The following MCF2L2 variants were observed in gnomAD, a reference collection of about 807,000 sequenced individuals.
The protein encoded by MCF2L2 is MCF.2 cell line derived transforming sequence-like 2, also known as probable guanine nucleotide exchange factor MCF2L2.
A neutral mutation model predicts 150.2 loss-of-function variants in MCF2L2; 102 were observed. The ratio of observed to expected loss-of-function variants is 0.68; its 90% CI spans 0.58 to 0.80. The LOEUF (loss-of-function observed/expected upper bound fraction) is 0.80, where lower values mean the gene tolerates loss of function less well. Among genes scored for constraint, MCF2L2 ranks in the 30% least tolerant of loss-of-function variants. The pLI, the probability that MCF2L2 is intolerant of heterozygous loss-of-function variation, is 0.00. For missense variants in MCF2L2, 1,256 were observed against 1,372.8 expected, an observed-to-expected ratio of 0.91 and a Z score of 1.34; for synonymous variants, 465 against 491.3, an observed-to-expected ratio of 0.95 and a Z score of 0.71.
intron 13 of MCF2L2, among the ~76,000 whole-genome samples, chr3:183,291,744 C>A (rs1192617947): frequency 1.8e-4 from 27 of 152,220 alleles, no homozygotes; most frequent in Admixed American, 1.6e-3. Context: ...CAGGATTGTT[C>A]TGCAAAACGA....
At chr3:183,218,638 AAAT>A (rs969057088) in intron 21 of MCF2L2, among the ~76,000 whole-genome samples, 1 of 152,006 alleles carries the variant, frequency 6.6e-6, no homozygotes, top group Non-Finnish European at 1.5e-5. Flanking sequence ...TGTCTCAAAA[AAAT>A]AAAAAAATAA....
intron 5 of MCF2L2, among the ~76,000 whole-genome samples, chr3:183,333,960 C>T (rs1480545631): frequency 1.0e-5 from 1 of 100,126 alleles, no homozygotes; most frequent in Non-Finnish European, 1.8e-5. Context: ...TAAGGAAGTG[C>T]CAAAAAAAAA....
intron 27 of MCF2L2, among the ~76,000 whole-genome samples, chr3:183,186,400 C>T (rs1291065791): frequency 2.0e-5 from 3 of 152,132 alleles, no homozygotes; most frequent in Non-Finnish European, 4.4e-5. Flanking sequence ...ATTACAGACA[C>T]CCACCACCAT....
intron 15 of MCF2L2, among the ~76,000 whole-genome samples, chr3:183,247,514 A>G (rs982705159): frequency 1.1e-4 from 16 of 152,352 alleles, no homozygotes; most frequent in Admixed American, 9.1e-4. Context: ...CCCAAGAAAG[A>G]GTACTACTGG....
chr3:183,220,846 A>G (rs1239235933), intron 20 of MCF2L2, among the ~76,000 whole-genome samples: 1 of 152,198 alleles, frequency 6.6e-6, no homozygotes. Context: ...TCCTTTGCGC[A>G]TCTTTTTATT....
chr3:183,221,527 C>T (rs1006761212), intron 20 of MCF2L2, among the ~76,000 whole-genome samples: 7 of 152,162 alleles, frequency 4.6e-5, no homozygotes, highest in African/African-American at 1.2e-4. Flanking sequence ...CAGCCCTCTG[C>T]GTCTGGTACC....
rs541428144 is a variant in MCF2L2 at position 183,313,653 on chromosome 3, A to G, written c.754-1881T>C. 2.9e-4 allele frequency among the ~76,000 whole-genome samples: 44 copies of G among 152,346 alleles called. No homozygotes were observed. The South Asian group carries it at 9.1e-3, about 32-fold the overall frequency. On this transcript the variant is annotated intron_variant, in intron 7 of 29. Coordinates refer to ENST00000328913, the MANE Select transcript of MCF2L2 (RefSeq NM_015078.4). ...AAAAATGGAGTTTCAGTTTCCATGG[A>G]AAGAAAATAAACTTTTTGGGTATTT... is the stretch of plus-strand genomic sequence containing the variant.
At chr3:183,349,499 C>A (rs1299706965) in intron 3 of MCF2L2, among the ~76,000 whole-genome samples, 1 of 152,156 alleles carries the variant, frequency 6.6e-6, no homozygotes, top group Non-Finnish European at 1.5e-5. Flanking sequence ...GGGCACTGAT[C>A]ATAGGGGACA....
In MCF2L2 at chr3:183,341,578, T is replaced by C. The variant is rs1457589022; in HGVS notation, c.328A>G (p.Lys110Glu). The change falls in exon 4 of 30, where the codon AAG becomes GAG. Residue 110 changes from lysine (K) to glutamate (E), a missense_variant. By Grantham distance (56) the Lys-to-Glu change is moderately conservative. Transcript: ENST00000328913. ...FIVVIDRRRDKWSSVKASLTR... is the reference protein window; with the variant it reads ...FIVVIDRRRDEWSSVKASLTR... ...AAGGATGCCTTTACGGAGCTCCACT[T>C]GTCTCTTCGTCTGTCGATAACAACA... 1 of 1,614,112 alleles carries C rather than the reference T, an allele frequency of 6.2e-7. No homozygotes were observed. Among genetic ancestry groups the C allele is most frequent in the Non-Finnish European group, 8.5e-7 (1 of 1,179,946 alleles).
intron 3 of MCF2L2, among the ~76,000 whole-genome samples, chr3:183,366,501 T>C (rs1214219152): frequency 6.6e-6 from 1 of 152,020 alleles, no homozygotes; most frequent in Non-Finnish European, 1.5e-5. Flanking sequence ...AAAACTTAGC[T>C]AGGCATGGTG....
rs1188708230 is a variant in MCF2L2 at position 183,267,926 on chromosome 3, C to T, written c.1862+8946G>A. Among the ~76,000 whole-genome samples, 1 of 152,198 alleles carries T rather than the reference C, an allele frequency of 6.6e-6. No homozygotes were observed. The highest frequency in any genetic ancestry group is 1.5e-5 in the Non-Finnish European group (1 of 68,024). On this transcript the variant is annotated intron_variant, in intron 15 of 29. Coordinates refer to ENST00000328913, the MANE Select transcript of MCF2L2 (RefSeq NM_015078.4). This position sits in a 1 kb window ranked among gnomAD's most constrained non-coding sequence, Gnocchi z 5.5. ...CTTTGCACCAACATTTGGGGAATGC[C>T]TACCAGGGGTCACACACTGAGCTGG...
In MCF2L2 at chr3:183,385,996, T is replaced by C. The variant is rs1713810373; in HGVS notation, c.160+3700A>G. 2.0e-5 allele frequency among the ~76,000 whole-genome samples: 3 copies of C among 152,156 alleles called. No homozygotes were observed. In the South Asian group the frequency reaches 6.2e-4, roughly 32 times the overall value. ...AAATAAGAAGAAAACATCAAGAGAA[T>C]CATAAAGATGTCAGCCTTAATGTCA... On this transcript the variant is annotated intron_variant, in intron 2 of 29. Transcript: ENST00000328913.
intron 3 of MCF2L2, among the ~76,000 whole-genome samples, chr3:183,357,851 GA>G (rs35010055): frequency 0.019 from 2,407 of 124,318 alleles, 30 homozygotes; most frequent in Middle Eastern, 0.046. Context: ...AAAATGTCCA[GA>G]AAAAAAAAAA....
chr3:183,426,543 G>A (rs1716174424), intron 1 of MCF2L2, among the ~76,000 whole-genome samples: 1 of 152,176 alleles, frequency 6.6e-6, no homozygotes, highest in African/African-American at 2.4e-5. Flanking sequence ...TTCAACCTGA[G>A]GTCGAATGAC....
intron 1 of MCF2L2, among the ~76,000 whole-genome samples, chr3:183,402,686 G>A (rs942727052): frequency 1.3e-5 from 2 of 149,532 alleles, no homozygotes; most frequent in African/African-American, 4.9e-5. Flanking sequence ...ATTTCTCCTG[G>A]CAGGTATTTT....
intron 15 of MCF2L2, among the ~76,000 whole-genome samples, chr3:183,248,206 AATCTGCAGAGC>A (rs1222825936): frequency 1.3e-5 from 2 of 152,170 alleles, no homozygotes; most frequent in African/African-American, 4.8e-5. Context: ...CTTAGCCCTA[AATCTGCAGAGC>A]CAATTAGGTA....
rs188643313 is a variant in MCF2L2, at chr3:183,294,599, A to G, written c.1675+701T>C. 9.0e-4 allele frequency among the ~76,000 whole-genome samples: 119 copies of G among 132,302 alleles called. 1 individual carries two copies. Among genetic ancestry groups the G allele is most frequent in the African/African-American group, 2.5e-3 (91 of 35,712 alleles). 86.8% of individuals were successfully genotyped at this position (132,302 alleles called of 152,430 possible). A position where few individuals can be genotyped will look rare whatever the true frequency, so the allele number is the denominator to read the frequency against. Reference sequence around the variant, plus strand: ...TATATGTGTATATACATATATGTGTATGTGTGTGTGTGTGTGTATATATAT... The same window carrying G: ...TATATGTGTATATACATATATGTGTGTGTGTGTGTGTGTGTGTATATATAT... On this transcript the variant is annotated intron_variant, in intron 13 of 29. Coordinates refer to ENST00000328913, the MANE Select transcript of MCF2L2 (RefSeq NM_015078.4).
intron 22 of MCF2L2, 125 bp downstream of exon 22, chr3:183,215,844 A>G: frequency 3.4e-6 from 4 of 1,178,366 alleles, no homozygotes; most frequent in Non-Finnish European, 4.6e-6. Flanking sequence ...AATTTAGGCG[A>G]CTGTCCTCAG....
At chr3:183,421,786 T>G (rs139348655) in intron 1 of MCF2L2, among the ~76,000 whole-genome samples, 2 of 152,384 alleles carry the variant, frequency 1.3e-5, no homozygotes, top group African/African-American at 4.8e-5. Context: ...GATTCCTCTT[T>G]TCCCCATCTC....
Sources: allele counts gnomAD v4.1 joint callset (sites outside exome capture counted in the v4.1 genomes callset), GRCh38; gene constraint gnomAD v4.1.1; non-coding constraint Gnocchi (gnomAD v3.1); transcripts MANE v1.5; gene names NCBI Gene and HGNC (gene_info 2026-07-23, HGNC 2026-07-21).